Variants in SUGCT observed in about 807,000 individuals in gnomAD.
The protein encoded by SUGCT is succinyl-CoA:glutarate CoA-transferase.
Under a neutral mutation model 55.0 loss-of-function variants are expected in SUGCT, and 41 were observed. The ratio of observed to expected loss-of-function variants is 0.74; its 90% CI spans 0.58 to 0.97. The LOEUF (loss-of-function observed/expected upper bound fraction) is 0.97. SUGCT is among the 50% of genes least tolerant of loss of function. The pLI is 0.00. For synonymous variants in SUGCT, 187 were observed against 200.4 expected (o/e 0.93, Z 0.56); for missense variants, 568 against 547.8 (o/e 1.04, Z -0.37).
Position 40,236,442 on chromosome 7 carries a change from C to CAA in SUGCT, c.485-1177_485-1176dup, listed in dbSNP as rs60720770. 3.7e-3 allele frequency among the ~76,000 whole-genome samples: 329 copies of CAA among 90,016 alleles called. 8 individuals are homozygous for CAA. Among genetic ancestry groups the CAA allele is most frequent in the Non-Finnish European group, 4.6e-3 (222 of 47,900 alleles). 59.1% of individuals were successfully genotyped at this position (90,016 alleles called of 152,430 possible). A position where few individuals can be genotyped will look rare whatever the true frequency, so the allele number is the denominator to read the frequency against. On this transcript the variant is annotated intron_variant, in intron 6 of 13. Coordinates refer to ENST00000335693, the MANE Select transcript of SUGCT (RefSeq NM_001193313.2). ...GTGTTCTGTTGATTCTTTCTGATGG[C>CAA]AAAAAAAAAAAAAAAAATTTGACAC...
At chr7:40,506,191 G>GTGAATTTTTTTCCACGT (rs1792581690) in intron 12 of SUGCT, among the ~76,000 whole-genome samples, 1 of 152,064 alleles carries the variant, frequency 6.6e-6, no homozygotes, top group African/African-American at 2.4e-5. Context: ...TATTAGCAAT[G>GTGAATTTTTTTCCACGT]TGAATTTTTT....
At chr7:40,405,625 C>T (rs1334731234) in intron 9 of SUGCT, among the ~76,000 whole-genome samples, 2 of 152,000 alleles carry the variant, frequency 1.3e-5, no homozygotes, top group African/African-American at 4.8e-5. Flanking sequence ...GCCTGGCCAA[C>T]ATGGCAAAAC....
chr7:40,181,762 A>G (rs984994953), intron 2 of SUGCT, among the ~76,000 whole-genome samples, 193 bp from the exon 3 acceptor site: 6 of 150,254 alleles, frequency 4.0e-5, no homozygotes, highest in Admixed American at 2.7e-4. Context: ...AAAAAAAAAG[A>G]AAAAGAATTA....
At chr7:40,550,081 T>G (rs939977592) in intron 12 of SUGCT, among the ~76,000 whole-genome samples, 3 of 152,206 alleles carry the variant, frequency 2.0e-5, no homozygotes, top group Non-Finnish European at 4.4e-5. Flanking sequence ...TGGTTTAGGA[T>G]ATCAACAATC....
chr7:40,262,808 A>G (rs2150966447), intron 7 of SUGCT, among the ~76,000 whole-genome samples: 1 of 152,356 alleles, frequency 6.6e-6, no homozygotes, highest in Non-Finnish European at 1.5e-5. Context: ...GATGTATAAT[A>G]AAACAATATA....
intron 6 of SUGCT, among the ~76,000 whole-genome samples, chr7:40,200,258 C>A (rs1250890952): frequency 6.6e-6 from 1 of 152,140 alleles, no homozygotes; most frequent in African/African-American, 2.4e-5. Context: ...ATTGTCCTTG[C>A]ATTTTTAAGG....
intron 9 of SUGCT, among the ~76,000 whole-genome samples, chr7:40,385,438 G>A (rs78835458): frequency 0.021 from 3,152 of 152,198 alleles, 106 homozygotes; most frequent in African/African-American, 0.072. Flanking sequence ...TAAGTATAGT[G>A]CCTGGTATAT....
chr7:40,418,142 A>T (rs889352668), intron 9 of SUGCT, among the ~76,000 whole-genome samples: 2 of 152,118 alleles, frequency 1.3e-5, no homozygotes, highest in Non-Finnish European at 2.9e-5. Context: ...ATCTCTGTGA[A>T]ATAGTTTCTT....
At chr7:40,264,917 G>A (rs1049118344) in intron 7 of SUGCT, among the ~76,000 whole-genome samples, 1 of 152,100 alleles carries the variant, frequency 6.6e-6, no homozygotes, top group African/African-American at 2.4e-5. Context: ...AGTCTCATTT[G>A]TGCAGCCTTT....
chr7:40,890,279 A>AATATTTATATTAT, the SUGCT span, among the ~76,000 whole-genome samples: 1 of 139,292 alleles, frequency 7.2e-6, no homozygotes, highest in African/African-American at 2.7e-5. Context: ...ATATAAATTA[A>AATATTTATATTAT]ATATTTATAT....
At chr7:41,006,319 G>A in the SUGCT span, among the ~76,000 whole-genome samples, 2 of 152,166 alleles carry the variant, frequency 1.3e-5, no homozygotes, top group African/African-American at 4.8e-5. Context: ...TCAACCAGGG[G>A]CTGGACTCCA....
At chr7:40,342,874 C>T (rs1797126354) in intron 9 of SUGCT, among the ~76,000 whole-genome samples, 1 of 152,100 alleles carries the variant, frequency 6.6e-6, no homozygotes, top group Admixed American at 6.5e-5. Context: ...AACTCCTGAC[C>T]TCAAGTGATC....
intron 8 of SUGCT, among the ~76,000 whole-genome samples, chr7:40,275,818 C>T (rs1191200151): frequency 6.6e-6 from 1 of 152,126 alleles, no homozygotes; most frequent in Non-Finnish European, 1.5e-5. Flanking sequence ...AAAGGGTTAA[C>T]TCACTGTCAA....
chr7:40,971,123 G>A, the SUGCT span, among the ~76,000 whole-genome samples: 2 of 152,150 alleles, frequency 1.3e-5, no homozygotes, highest in Non-Finnish European at 2.9e-5. Context: ...TGGCTGCCGG[G>A]GATGCCTCAG....
rs531511588 is a variant in SUGCT, at chr7:40,505,894, A to G, written c.1089+9508A>G. 3.9e-5 allele frequency among the ~76,000 whole-genome samples: 6 copies of G among 152,164 alleles called. No homozygotes were observed. In the East Asian group the frequency reaches 1.2e-3, roughly 29 times the overall value. ...TAAATGGTATCTTTTTCTTATTTCC[A>G]TATAGCTTTTTGCTCTTACTCACAA... On this transcript the variant is annotated intron_variant, in intron 12 of 13. Transcript: ENST00000335693.
intron 9 of SUGCT, among the ~76,000 whole-genome samples, chr7:40,413,949 C>CT (rs914588143): frequency 1.6e-4 from 24 of 151,224 alleles, no homozygotes; most frequent in African/African-American, 5.1e-4. Context: ...TGACTGCATT[C>CT]TTTTTTTTTA....
At chr7:40,804,588 T>C (rs1201362584) in intron 13 of SUGCT, among the ~76,000 whole-genome samples, 2 of 152,092 alleles carry the variant, frequency 1.3e-5, no homozygotes, top group Non-Finnish European at 2.9e-5. Flanking sequence ...AAAAAAATAC[T>C]TTCAATGCAA....
rs116625301 is a variant in SUGCT at position 40,497,347 on chromosome 7, G to T, written c.1089+961G>T. Among the ~76,000 whole-genome samples, 1,002 of 152,242 alleles carry T rather than the reference G, an allele frequency of 6.6e-3. 18 individuals are homozygous for T. The highest frequency in any genetic ancestry group is 0.022 in the African/African-American group (931 of 41,548). ...ATCTTACATGAATATCTGCTTAAAA[G>T]AAAATTGAAATATTTTAAATTTAAT... On this transcript the variant is annotated intron_variant, in intron 12 of 13. Transcript: ENST00000335693.
At chr7:40,161,368 C>A (rs11763047) in intron 1 of SUGCT, among the ~76,000 whole-genome samples, 86,598 of 151,976 alleles carry the variant, frequency 0.57, 26,464 homozygotes, top group African/African-American at 0.8. Context: ...TGGGCTCTCT[C>A]TATATTTTTT....
Sources: gnomAD v4.1 joint callset for allele counts (sites outside exome capture counted in the v4.1 genomes callset) on GRCh38, gnomAD v4.1.1 for gene constraint, MANE v1.5 for transcripts, NCBI Gene and HGNC (gene_info 2026-07-23, HGNC 2026-07-21) for gene names.